AIFM3: variants seen among roughly 807,000 people sequenced by gnomAD.
The protein encoded by AIFM3 is apoptosis-inducing factor 3.
Under a neutral mutation model 82.7 loss-of-function variants are expected in AIFM3, and 71 were observed. The observed-to-expected ratio is 0.86, with a 90% CI of 0.71 to 1.05. The LOEUF is 1.05. Among genes scored for constraint, AIFM3 ranks in the 50% least tolerant of loss-of-function variants. The pLI, the probability that AIFM3 is intolerant of heterozygous loss-of-function variation, is 0.00. For synonymous variants in AIFM3, 337 were observed against 329.1 expected (o/e 1.02, Z -0.26); for missense variants, 748 against 816.7 (o/e 0.92, Z 1.03).
intron 16 of AIFM3, 64 bp downstream of exon 16, chr22:20,978,069 GCC>G: frequency 6.7e-7 from 1 of 1,499,934 alleles, no homozygotes; most frequent in South Asian, 1.1e-5. Flanking sequence ...GTGTCCCCAT[GCC>G]CATGCCTCAG....
At chr22:20,977,602 G>C (rs1357507501) in intron 14 of AIFM3, 98 bp from the exon 15 acceptor site, 1 of 1,477,224 alleles carries the variant, frequency 6.8e-7, no homozygotes, top group Non-Finnish European at 9.4e-7. Flanking sequence ...TGGAGGATCA[G>C]TCTGGGGCTG....
chr22:20,978,621 T>C (rs1365938033), intron 16 of AIFM3, among the ~76,000 whole-genome samples: 6 of 151,972 alleles, frequency 3.9e-5, no homozygotes, highest in Non-Finnish European at 7.4e-5. Context: ...GACAAAGGAC[T>C]TCTCTGCACC....
chr22:20,974,245 C>T lies in AIFM3; in HGVS notation c.466-7C>T, dbSNP rs780047593. On this transcript the variant is annotated splice_polypyrimidine_tract_variant and splice_region_variant and intron_variant, in intron 5 of 20. Coordinates refer to ENST00000440238, the MANE Select transcript of AIFM3 (RefSeq NM_001386814.1). ...GGGGCTGGTCCTGAGCAATGCAGCC[C>T]TTGCAGGTGAAGATTGAGAAGGAGA... The T allele has an allele frequency of 9.9e-6, 16 of 1,613,750 alleles. No individual in the cohort carries two copies. In the Admixed American group the frequency reaches 2.7e-4, roughly 27 times the overall value.
At position 20,976,288 on chromosome 22, in the gene AIFM3, T is replaced by C; in HGVS notation, c.881T>C (p.Leu294Pro). 1 of 1,614,056 alleles carries C rather than the reference T, an allele frequency of 6.2e-7. No homozygotes were observed. Among genetic ancestry groups the C allele is most frequent in the East Asian group, 2.2e-5 (1 of 44,890 alleles). Residue 294 changes from leucine to proline, a missense_variant, in exon 10 of 21, where the codon CTG (leucine) becomes CCG (proline). This residue lies in a region of AIFM3 where 393 missense variants were observed against 481.1 expected (regional missense o/e 0.82). Coordinates refer to ENST00000440238, the MANE Select transcript of AIFM3 (RefSeq NM_001386814.1). ...TTCAAGCTGGAGTACAGCAAGCTGC[T>C]GCTGGCACCAGGGAGCAGGTGGGAG... ...DGFKLEYSKL[L>P]LAPGSSPKTL...
rs1327466434 is a variant in AIFM3 at position 20,980,027 on chromosome 22, G to A, written c.1660G>A (p.Glu554Lys). The A allele has an allele frequency of 1.2e-6, 2 of 1,610,680 alleles. No individual in the cohort carries two copies. Among genetic ancestry groups the A allele is most frequent in the African/African-American group, 1.3e-5 (1 of 75,056 alleles). The change falls in exon 19 of 21, where the codon GAG (glutamate) becomes AAG (lysine). Residue 554 changes from glutamate (E) to lysine (K), a missense_variant. Physicochemically the swap from Glu to Lys is moderately conservative, Grantham distance 56 (BLOSUM62 1). Coordinates refer to ENST00000440238, the MANE Select transcript of AIFM3 (RefSeq NM_001386814.1). Reference sequence around the variant, plus strand: ...GCCATCCTCTCCTTGCAGAGGCGACGAGGTGATCGCCGTGGCCAGCATGAA... The same window carrying A: ...GCCATCCTCTCCTTGCAGAGGCGACAAGGTGATCGCCGTGGCCAGCATGAA... ...KFVAFYTKGD[E>K]VIAVASMNYD...
At chr22:20,979,175 A>G in intron 16 of AIFM3, 96 bp from the exon 17 acceptor site, 14 of 1,207,338 alleles carry the variant, frequency 1.2e-5, no homozygotes, top group Non-Finnish European at 1.7e-5. Flanking sequence ...CAGGAGGAGT[A>G]GCCACACGTG....
chr22:20,980,874 C>T lies in AIFM3; in HGVS notation c.1778+107C>T, dbSNP rs185608037. 242 of 1,607,072 alleles carry T rather than the reference C, an allele frequency of 1.5e-4. 2 individuals carry two copies. The East Asian group carries it at 5.0e-3, about 33-fold the overall frequency. Reference sequence around the variant, plus strand: ...TGTCCAAGTACACCTCCCTGCTGGGCACTAGGGTCTGGCACAGAACAGACC... The same window carrying T: ...TGTCCAAGTACACCTCCCTGCTGGGTACTAGGGTCTGGCACAGAACAGACC... On this transcript the variant is annotated intron_variant, in intron 20 of 20. Coordinates refer to ENST00000440238, the MANE Select transcript of AIFM3 (RefSeq NM_001386814.1).
At position 20,980,110 on chromosome 22, in the gene AIFM3, G is replaced by C; in HGVS notation, c.1743G>C (p.Arg581=). Residue 581 remains arginine, a synonymous_variant, in exon 19 of 21, where the codon CGG becomes CGC. Transcript: ENST00000440238. ...AEVLASGRAI[R]KREVELFVLH... The stretch of plus-strand genomic sequence containing the variant: ...TGCTGGCCTCAGGCCGTGCCATCCG[G>C]AAGCGGGAGGTGGAGTGAGTGTGGG... 1 of 1,608,284 alleles carries C rather than the reference G, an allele frequency of 6.2e-7. No individual in the cohort carries two copies. Among genetic ancestry groups the C allele is most frequent in the Non-Finnish European group, 8.5e-7 (1 of 1,179,976 alleles).
chr22:20,980,771 CGT>C lies in AIFM3; in HGVS notation c.1778+9_1778+10del, dbSNP rs1411530810. On this transcript the variant is annotated splice_donor_5th_base_variant and intron_variant, in intron 20 of 20. Transcript: ENST00000440238. Reference sequence around the variant, plus strand: ...GGCTGTTTGTGCTGCACAGCAAGTACGTGTGTCCTTCATGTTGACCGTTCTGA... The same window carrying C: ...GGCTGTTTGTGCTGCACAGCAAGTACGTGTCCTTCATGTTGACCGTTCTGA... 1 of 1,614,206 alleles carries C rather than the reference CGT, an allele frequency of 6.2e-7. No individual in the cohort carries two copies. The highest frequency in any genetic ancestry group is 1.7e-5 in the Admixed American group (1 of 60,028).
chr22:20,981,260 A>G lies in AIFM3; in HGVS notation c.*229A>G, dbSNP rs1601712759. The stretch of plus-strand genomic sequence containing the variant: ...ACTGACAGCTGGCACTGGAGGCAGG[A>G]CAAGCCCTGCCTCTTCTCCCTCTAT... On this transcript the variant is annotated 3_prime_UTR_variant, in exon 21 of 21. Coordinates refer to ENST00000440238, the MANE Select transcript of AIFM3 (RefSeq NM_001386814.1). The G allele has an allele frequency of 1.7e-6, 1 of 591,148 alleles. No homozygotes were observed. Among genetic ancestry groups the G allele is most frequent in the East Asian group, 2.9e-5 (1 of 34,600 alleles). The allele number at this position is 591,148 out of a possible 1,614,324, so 36.6% of individuals were successfully genotyped here.
intron 17 of AIFM3, 123 bp downstream of exon 17, chr22:20,979,492 C>A: frequency 6.8e-7 from 1 of 1,480,036 alleles, no homozygotes; most frequent in Non-Finnish European, 9.4e-7. Context: ...CCGGTAAGAA[C>A]TCGCTGGCGG....
intron 2 of AIFM3, among the ~76,000 whole-genome samples, chr22:20,971,970 G>C (rs1027248561): frequency 6.6e-6 from 1 of 152,140 alleles, no homozygotes; most frequent in African/African-American, 2.4e-5. Flanking sequence ...AGGCTGTGGG[G>C]GGGGGGGGCT....
chr22:20,979,412 A>C, intron 17 of AIFM3, 43 bp downstream of exon 17: 9 of 393,560 alleles, frequency 2.3e-5, no homozygotes, highest in Non-Finnish European at 3.3e-5. Context: ...GAGGGCGTTT[A>C]GGGGCGGGGC....
At position 20,981,309 on chromosome 22, in the gene AIFM3, C is replaced by G; in HGVS notation, c.*278C>G. The G allele has an allele frequency of 3.8e-6, 2 of 528,846 alleles. No homozygotes were observed. The highest frequency in any genetic ancestry group is 6.9e-6 in the Non-Finnish European group (2 of 290,738). 32.8% of individuals were successfully genotyped at this position (528,846 alleles called of 1,614,324 possible). On this transcript the variant is annotated 3_prime_UTR_variant, in exon 21 of 21. Transcript: ENST00000440238. Reference sequence around the variant, plus strand: ...ATTGGGACTGGTCCCCTGAAGAACCCTGCAACACGTTAAACATTACCGTAA... The same window carrying G: ...ATTGGGACTGGTCCCCTGAAGAACCGTGCAACACGTTAAACATTACCGTAA...
rs60474193 is a variant in AIFM3, at chr22:20,970,546, C to A, written c.31+2571C>A. ...CTTGATCTTGGCTCACTGCAACCTC[C>A]GCCTCCCAGGTTCAAGCGATTCTCC... On this transcript the variant is annotated intron_variant, in intron 2 of 20. Transcript: ENST00000440238. Among the ~76,000 whole-genome samples, 1,441 of 152,240 alleles carry A rather than the reference C, an allele frequency of 9.5e-3. 23 individuals are homozygous for A. The highest frequency in any genetic ancestry group is 0.033 in the African/African-American group (1,388 of 41,534).
intron 2 of AIFM3, among the ~76,000 whole-genome samples, chr22:20,970,563 C>T (rs1218018735): frequency 6.6e-6 from 1 of 152,164 alleles, no homozygotes; most frequent in African/African-American, 2.4e-5. Context: ...CAGGTTCAAG[C>T]GATTCTCCTG....
intron 9 of AIFM3, 92 bp downstream of exon 9, chr22:20,975,870 C>A (rs956121929): frequency 5.0e-6 from 7 of 1,406,960 alleles, no homozygotes; most frequent in Non-Finnish European, 3.9e-6. Flanking sequence ...TGGTGCTCTA[C>A]CTTCCTGGCC....
At position 20,977,881 on chromosome 22, in the gene AIFM3, T is replaced by C. The variant is rs1394562420; in HGVS notation, c.1360-7T>C. ...CACCCATGGAGCTCTGGGCCCTCTC[T>C]CTACAGATGATGCAGACCAATGTCC... On this transcript the variant is annotated splice_polypyrimidine_tract_variant and splice_region_variant and intron_variant, in intron 15 of 20. Coordinates refer to ENST00000440238, the MANE Select transcript of AIFM3 (RefSeq NM_001386814.1). The C allele has an allele frequency of 6.2e-7, 1 of 1,614,186 alleles. No homozygotes were observed. The highest frequency in any genetic ancestry group is 2.2e-5 in the East Asian group (1 of 44,884).
intron 17 of AIFM3, 81 bp from the exon 18 acceptor site, chr22:20,979,546 G>A: frequency 6.4e-7 from 1 of 1,556,302 alleles, no homozygotes. Flanking sequence ...GCAGGGCCTG[G>A]GCGGGGTTAG....
Sources: allele counts gnomAD v4.1 joint callset (sites outside exome capture counted in the v4.1 genomes callset), GRCh38; gene constraint gnomAD v4.1.1; regional missense constraint gnomAD v4.1.1; transcripts MANE v1.5; gene names NCBI Gene and HGNC (gene_info 2026-07-23, HGNC 2026-07-21).